CELF2: variants seen among roughly 807,000 people sequenced by gnomAD.
CELF2 encodes the protein CUG triplet repeat RNA-binding protein 2.
In CELF2, 8 loss-of-function variants were observed where a neutral mutation model predicts 62.6. The observed-to-expected ratio is 0.13, with a 90% CI of 0.07 to 0.23. The LOEUF is 0.23. Ranked by LOEUF, CELF2 falls within the 10% of genes least tolerant of loss-of-function variation. CELF2 has a pLI of 1.00. For synonymous variants in CELF2, 258 were observed against 250.0 expected, an observed-to-expected ratio of 1.03 and a Z score of -0.30; for missense variants, 333 against 671.0, an observed-to-expected ratio of 0.50 and a Z score of 5.56.
intron 1 of CELF2, among the ~76,000 whole-genome samples, chr10:10,835,565 C>A (rs1190148098): frequency 1.3e-5 from 2 of 151,876 alleles, no homozygotes; most frequent in African/African-American, 2.4e-5. Context: ...GTATTTTTAG[C>A]AGATATGGGG....
chr10:11,125,655 T>A (rs1468410122), intron 1 of CELF2, among the ~76,000 whole-genome samples: 1 of 152,180 alleles, frequency 6.6e-6, no homozygotes, highest in Non-Finnish European at 1.5e-5. Context: ...TTTATGCTGT[T>A]AGAGCGGTGA....
At chr10:11,045,544 G>A (rs1016018090) in intron 1 of CELF2, among the ~76,000 whole-genome samples, 3 of 152,106 alleles carry the variant, frequency 2.0e-5, no homozygotes, top group African/African-American at 4.8e-5. Flanking sequence ...AAAGTACCTG[G>A]CACCTAATGA....
intron 3 of CELF2, among the ~76,000 whole-genome samples, chr10:11,238,840 T>C (rs1401550916): frequency 6.6e-6 from 1 of 152,246 alleles, no homozygotes. Flanking sequence ...TCATGGTCCG[T>C]GCCTCCTATT....
intron 1 of CELF2, among the ~76,000 whole-genome samples, chr10:10,908,305 C>T (rs979337517): frequency 7.3e-6 from 1 of 137,212 alleles, no homozygotes; most frequent in South Asian, 2.4e-4. Context: ...CTGCAAGCTC[C>T]ACCTCCCAGG....
At chr10:11,271,143 A>G (rs1002026283) in intron 7 of CELF2, among the ~76,000 whole-genome samples, 4 of 152,244 alleles carry the variant, frequency 2.6e-5, no homozygotes, top group African/African-American at 9.6e-5. Flanking sequence ...GGGCTGGCTC[A>G]TCCCTGTCAG....
chr10:11,086,188 C>T (rs910128824), intron 1 of CELF2, among the ~76,000 whole-genome samples: 2 of 152,078 alleles, frequency 1.3e-5, no homozygotes, highest in Non-Finnish European at 2.9e-5. Context: ...TAATGCAGTG[C>T]CATCTGGAAG....
the CELF2 span, among the ~76,000 whole-genome samples, chr10:10,775,037 C>A: frequency 6.6e-6 from 1 of 151,992 alleles, no homozygotes; most frequent in Non-Finnish European, 1.5e-5. Context: ...CACCATCATG[C>A]CAGCTAATTT....
intron 1 of CELF2, among the ~76,000 whole-genome samples, chr10:10,883,491 C>T (rs887355829): frequency 6.6e-6 from 1 of 152,156 alleles, no homozygotes; most frequent in Non-Finnish European, 1.5e-5. Flanking sequence ...GAAACTGGCC[C>T]TCTTGATTTT....
chr10:11,239,440 TG>T (rs1393788258), intron 3 of CELF2, among the ~76,000 whole-genome samples: 2 of 152,128 alleles, frequency 1.3e-5, no homozygotes, highest in Non-Finnish European at 2.9e-5. Flanking sequence ...TTCTCTCCAA[TG>T]TGTTCTCTTA....
the CELF2 span, among the ~76,000 whole-genome samples, chr10:10,609,456 G>C: frequency 3.3e-5 from 5 of 152,196 alleles, no homozygotes; most frequent in East Asian, 3.9e-4. Context: ...ACCACCGCGC[G>C]TGCACACACA....
the CELF2 span, among the ~76,000 whole-genome samples, chr10:10,549,267 T>C: frequency 6.6e-5 from 10 of 152,126 alleles, no homozygotes; most frequent in Admixed American, 6.5e-4. Context: ...AAGGTGTCAG[T>C]AGGGTTGGTT....
At chr10:10,557,127 G>T in the CELF2 span, among the ~76,000 whole-genome samples, 69 of 136,232 alleles carry the variant, frequency 5.1e-4, no homozygotes, top group East Asian at 1.5e-3. Flanking sequence ...GTCCTGAATG[G>T]TAATGCCTAG....
the CELF2 span, among the ~76,000 whole-genome samples, chr10:10,628,995 A>G: frequency 1.3e-5 from 2 of 152,202 alleles, no homozygotes; most frequent in South Asian, 2.1e-4. Context: ...AAGGACCCAC[A>G]TTGTTAATCC....
the CELF2 span, among the ~76,000 whole-genome samples, chr10:10,747,166 T>C: frequency 6.6e-6 from 1 of 152,222 alleles, no homozygotes; most frequent in African/African-American, 2.4e-5. Flanking sequence ...CCTTTAAAAG[T>C]CTGCAAGCTG....
At chr10:11,037,116 A>G (rs2061081837) in intron 1 of CELF2, among the ~76,000 whole-genome samples, 1 of 152,254 alleles carries the variant, frequency 6.6e-6, no homozygotes, top group South Asian at 2.1e-4. Flanking sequence ...TATAAAGGAA[A>G]GAGGTTTAAT....
intron 1 of CELF2, among the ~76,000 whole-genome samples, chr10:11,104,244 A>G (rs748867231): frequency 3.3e-5 from 5 of 152,198 alleles, no homozygotes; most frequent in Non-Finnish European, 4.4e-5. Flanking sequence ...TGCATTTTTT[A>G]TGTCCTAGAA....
At chr10:10,573,924 TA>T in the CELF2 span, among the ~76,000 whole-genome samples, 1 of 152,220 alleles carries the variant, frequency 6.6e-6, no homozygotes, top group African/African-American at 2.4e-5. Context: ...TATTATTCTG[TA>T]AAAGCCAATA....
the CELF2 span, among the ~76,000 whole-genome samples, chr10:10,510,056 C>T: frequency 1.3e-5 from 2 of 152,162 alleles, no homozygotes; most frequent in African/African-American, 2.4e-5. Flanking sequence ...CTTGCCTGTG[C>T]GTTGCATTGC....
chr10:10,963,080 G>T (rs1358926413), intron 2 of CELF2, among the ~76,000 whole-genome samples: 5 of 151,926 alleles, frequency 3.3e-5, no homozygotes, highest in Admixed American at 3.3e-4. Flanking sequence ...TTGCTCTGTT[G>T]CCCAGGCTGG....
Sources: allele counts gnomAD v4.1 joint callset (sites outside exome capture counted in the v4.1 genomes callset), GRCh38; gene constraint gnomAD v4.1.1; transcripts MANE v1.5; gene names NCBI Gene and HGNC (gene_info 2026-07-23, HGNC 2026-07-21).